DGKB: variants seen among roughly 807,000 people sequenced by gnomAD.
The protein encoded by DGKB is diacylglycerol kinase beta, also known as 90 kDa diacylglycerol kinase.
A neutral mutation model predicts 114.3 loss-of-function variants in DGKB; 67 were observed. The ratio of observed to expected loss-of-function variants is 0.59; its 90% CI spans 0.48 to 0.72. The LOEUF (loss-of-function observed/expected upper bound fraction) is 0.72. Among genes scored for constraint, DGKB ranks in the 30% least tolerant of loss-of-function variants. DGKB has a pLI of 0.00. For synonymous variants in DGKB, 398 were observed against 323.1 expected (o/e 1.23, Z -2.49); for missense variants, 907 against 975.2 (o/e 0.93, Z 0.93).
chr7:14,468,245 T>C (rs984960663), intron 21 of DGKB, among the ~76,000 whole-genome samples: 1 of 152,072 alleles, frequency 6.6e-6, no homozygotes, highest in Non-Finnish European at 1.5e-5. Flanking sequence ...ATCATTGATA[T>C]TGGTTAACGT....
intron 1 of DGKB, among the ~76,000 whole-genome samples, chr7:14,943,470 A>T (rs549021849): frequency 6.6e-6 from 1 of 152,116 alleles, no homozygotes; most frequent in South Asian, 2.1e-4. Flanking sequence ...AGATAAGCTT[A>T]AACAGACAAT....
intron 25 of DGKB, among the ~76,000 whole-genome samples, chr7:14,160,933 C>A (rs1479554215): frequency 6.6e-6 from 1 of 151,848 alleles, no homozygotes; most frequent in African/African-American, 2.4e-5. Flanking sequence ...ATATATAGAC[C>A]AATGGAACAA....
intron 23 of DGKB, among the ~76,000 whole-genome samples, chr7:14,260,758 T>C (rs1796657122): frequency 6.6e-6 from 1 of 152,212 alleles, no homozygotes; most frequent in Non-Finnish European, 1.5e-5. Context: ...GGGATAATAG[T>C]AACATTTTAT....
chr7:14,916,540 A>C (rs1784247924), intron 1 of DGKB, among the ~76,000 whole-genome samples: 1 of 152,136 alleles, frequency 6.6e-6, no homozygotes, highest in African/African-American at 2.4e-5. Flanking sequence ...AATAAAAATT[A>C]TAAGGGATAA....
In DGKB at chr7:14,469,331, T is replaced by C. The variant is rs12674112; in HGVS notation, c.1835+8830A>G. ...CAGACAAAGGAAACAACCAAATCAA[T>C]AGCAGATAAGCAGTATTTTATCCAA... On this transcript the variant is annotated intron_variant, in intron 21 of 25. Coordinates refer to ENST00000402815, the MANE Select transcript of DGKB (RefSeq NM_001350709.2). Among the ~76,000 whole-genome samples, 4 of 152,104 alleles carry C rather than the reference T, an allele frequency of 2.6e-5. No homozygotes were observed. The East Asian group carries it at 7.7e-4, about 29-fold the overall frequency.
At chr7:14,310,908 G>T in intron 23 of DGKB, among the ~76,000 whole-genome samples, 1 of 152,210 alleles carries the variant, frequency 6.6e-6, no homozygotes, top group South Asian at 2.1e-4. Context: ...GTGGGAGGAT[G>T]CTTTGAGACC....
chr7:14,796,091 G>C (rs778091156), intron 2 of DGKB, among the ~76,000 whole-genome samples: 17 of 152,058 alleles, frequency 1.1e-4, no homozygotes, highest in Non-Finnish European at 2.4e-4. Flanking sequence ...GGTAAAGCTT[G>C]GGTGGAAGAA....
At chr7:14,661,830 A>G (rs1817150411) in intron 13 of DGKB, among the ~76,000 whole-genome samples, 1 of 152,110 alleles carries the variant, frequency 6.6e-6, no homozygotes, top group African/African-American at 2.4e-5. Context: ...GATAGACTGG[A>G]TTAAGAAAAT....
intron 15 of DGKB, among the ~76,000 whole-genome samples, chr7:14,617,298 C>A (rs1168619095): frequency 6.6e-6 from 1 of 151,694 alleles, no homozygotes; most frequent in Non-Finnish European, 1.5e-5. Flanking sequence ...CAGTCAATGG[C>A]AATTTCATCA....
At chr7:14,466,852 T>C (rs971266636) in intron 21 of DGKB, among the ~76,000 whole-genome samples, 16 of 152,130 alleles carry the variant, frequency 1.1e-4, no homozygotes, top group African/African-American at 3.9e-4. Context: ...ACGATGGCGT[T>C]TATATAGAGA....
intron 14 of DGKB, 112 bp downstream of exon 14, chr7:14,630,124 A>T: frequency 3.4e-6 from 2 of 589,328 alleles, no homozygotes; most frequent in Non-Finnish European, 5.6e-6. Context: ...AATAAAATAT[A>T]ACATGCTGGT....
intron 1 of DGKB, among the ~76,000 whole-genome samples, chr7:14,913,259 T>G (rs1015601535): frequency 6.6e-6 from 1 of 151,948 alleles, no homozygotes; most frequent in African/African-American, 2.4e-5. Flanking sequence ...TGTTCTCTTC[T>G]CCTCTGGAAA....
intron 21 of DGKB, among the ~76,000 whole-genome samples, chr7:14,394,700 T>G (rs997790032): frequency 2.0e-5 from 3 of 151,980 alleles, no homozygotes; most frequent in Non-Finnish European, 4.4e-5. Context: ...TCAATCACAT[T>G]AAGCTTTTCT....
At chr7:14,862,972 A>T (rs1851206413) in intron 1 of DGKB, among the ~76,000 whole-genome samples, 1 of 152,036 alleles carries the variant, frequency 6.6e-6, no homozygotes, top group African/African-American at 2.4e-5. Flanking sequence ...CTTTCGACAG[A>T]ACTCATTTTA....
intron 1 of DGKB, among the ~76,000 whole-genome samples, chr7:14,962,204 GA>G (rs1318735122): frequency 1.3e-5 from 2 of 152,078 alleles, no homozygotes; most frequent in Non-Finnish European, 2.9e-5. Flanking sequence ...TCAAAATAGA[GA>G]AAAATCTTGT....
chr7:14,622,150 A>G (rs945162567), intron 14 of DGKB, among the ~76,000 whole-genome samples: 2 of 152,128 alleles, frequency 1.3e-5, no homozygotes, highest in African/African-American at 2.4e-5. Context: ...TTTCACATCT[A>G]ATGATCAGTC....
At chr7:14,891,962 T>C (rs1781306520) in intron 1 of DGKB, among the ~76,000 whole-genome samples, 1 of 151,288 alleles carries the variant, frequency 6.6e-6, no homozygotes, top group African/African-American at 2.4e-5. Flanking sequence ...CAATTGAAAA[T>C]GCAAAGCCAT....
At chr7:14,333,483 T>C (rs1373679395) in intron 23 of DGKB, among the ~76,000 whole-genome samples, 1 of 134,160 alleles carries the variant, frequency 7.5e-6, no homozygotes. Flanking sequence ...AAAAAAAAAA[T>C]CAATCTGTGA....
At chr7:14,294,392 G>T (rs1425236742) in intron 23 of DGKB, among the ~76,000 whole-genome samples, 1 of 152,102 alleles carries the variant, frequency 6.6e-6, no homozygotes, top group Admixed American at 6.6e-5. Flanking sequence ...ATTCCTTAGA[G>T]AGTCAAAGAT....
Sources: allele counts gnomAD v4.1 joint callset (sites outside exome capture counted in the v4.1 genomes callset), GRCh38; gene constraint gnomAD v4.1.1; transcripts MANE v1.5; gene names NCBI Gene and HGNC (gene_info 2026-07-23, HGNC 2026-07-21).